Variants in IRAG1 observed in about 807,000 individuals in gnomAD.
IRAG1 encodes the protein inositol 1,4,5-triphosphate receptor associated 1, also known as IP3R-associated cGMP kinase substrate.
A neutral mutation model predicts 106.2 loss-of-function variants in IRAG1; 62 were observed. The ratio of observed to expected loss-of-function variants is 0.58; its 90% CI spans 0.48 to 0.72. The LOEUF is 0.72. Among genes scored for constraint, IRAG1 ranks in the 30% least tolerant of loss-of-function variants. IRAG1 has a pLI of 0.00. For missense variants in IRAG1, 1,064 were observed against 1,140.7 expected (o/e 0.93, Z 0.97); for synonymous variants, 462 against 443.9 (o/e 1.04, Z -0.51).
Position 10,609,779 on chromosome 11 carries a change from A to G in IRAG1, c.1520T>C (p.Ile507Thr), listed in dbSNP as rs763190919. 7 of 1,613,942 alleles carry G rather than the reference A, an allele frequency of 4.3e-6. No individual in the cohort carries two copies. The highest frequency in any genetic ancestry group is 5.9e-6 in the Non-Finnish European group (7 of 1,179,876). ...SKSGLDVMPN[I>T]SDVLLRKLRV... ...CAGTTTGCGCAGCAGCACATCAGAA[A>G]TATTAGGCATGACATCTAAGCCACT... Residue 507 changes from isoleucine (I) to threonine (T), a missense_variant, in exon 11 of 21, where the codon ATT becomes ACT. Physicochemically the swap from Ile to Thr is moderately conservative, Grantham distance 89. Transcript: ENST00000423302.
At chr11:10,633,438 G>A (rs977925862) in intron 3 of IRAG1, among the ~76,000 whole-genome samples, 1 of 152,110 alleles carries the variant, frequency 6.6e-6, no homozygotes, top group African/African-American at 2.4e-5. Context: ...CAGTTCGTGG[G>A]CTAGTGCTCT....
chr11:10,670,412 A>C (rs1334495195), intron 1 of IRAG1, among the ~76,000 whole-genome samples: 1 of 152,216 alleles, frequency 6.6e-6, no homozygotes, highest in East Asian at 1.9e-4. Context: ...ATGCAAAACC[A>C]TGCACAAGGA....
At chr11:10,631,911 A>C (rs1856720980) in intron 4 of IRAG1, 80 bp downstream of exon 4, 1 of 1,179,066 alleles carries the variant, frequency 8.5e-7, no homozygotes, top group African/African-American at 1.5e-5. Flanking sequence ...AAAGAGCAGG[A>C]GAGAGGAAGG....
At position 10,573,617 on chromosome 11, in the gene IRAG1, A is replaced by G. The variant is rs1850690208; in HGVS notation, c.*2715T>C. 1 of 152,114 alleles carries G rather than the reference A, an allele frequency of 6.6e-6. No individual in the cohort carries two copies. The highest frequency in any genetic ancestry group is 1.5e-5 in the Non-Finnish European group (1 of 68,054). 9.4% of individuals were successfully genotyped at this position (152,114 alleles called of 1,614,324 possible). A position where few individuals can be genotyped will look rare whatever the true frequency, so the allele number is the denominator to read the frequency against. On this transcript the variant is annotated 3_prime_UTR_variant, in exon 21 of 21. Transcript: ENST00000423302. Reference sequence around the variant, plus strand: ...CTCGACCTCCCTTGCTTACAAATGGAATAGGGTGGGAGAGGGCCTGTGCCT... The same window carrying G: ...CTCGACCTCCCTTGCTTACAAATGGGATAGGGTGGGAGAGGGCCTGTGCCT...
In IRAG1 at chr11:10,659,901, C is replaced by T. The variant is rs1859258224; in HGVS notation, c.68-7719G>A. Among the ~76,000 whole-genome samples, 1 of 152,094 alleles carries T rather than the reference C, an allele frequency of 6.6e-6. No homozygotes were observed. The highest frequency in any genetic ancestry group is 1.5e-5 in the Non-Finnish European group (1 of 68,038). On this transcript the variant is annotated intron_variant, in intron 1 of 20. Transcript: ENST00000423302. The surrounding 1 kb of genome is among the most constrained non-coding windows in gnomAD (Gnocchi z 4.1). ...GCTCAGCAGCCTCTTCCCTGAGTCACTCACTCAAGAGTGACATGAGTCATC... is the reference window on the plus strand; with the variant it reads ...GCTCAGCAGCCTCTTCCCTGAGTCATTCACTCAAGAGTGACATGAGTCATC...
chr11:10,603,041 A>G, intron 14 of IRAG1, 79 bp downstream of exon 14: 2 of 1,492,678 alleles, frequency 1.3e-6, no homozygotes, highest in Middle Eastern at 1.9e-4. Flanking sequence ...TGGTATCTGT[A>G]GTTGCCGCTG....
Position 10,580,549 on chromosome 11 carries a change from G to A in IRAG1, c.2401C>T (p.Leu801=). ...TTCTGTTCTTCCTCCTCCTCCTTCA[G>A]GTCTTGAAGTTCTTTGGTCTTCTTT... ...GLKKTKELQD[L]KEEEEEQKSE... The change falls in exon 20 of 21, where the codon CTG becomes TTG. Residue 801 remains leucine, a synonymous_variant. Coordinates refer to ENST00000423302, the MANE Select transcript of IRAG1 (RefSeq NM_130385.4). 1 of 1,613,830 alleles carries A rather than the reference G, an allele frequency of 6.2e-7. No individual in the cohort carries two copies. Among genetic ancestry groups the A allele is most frequent in the Non-Finnish European group, 8.5e-7 (1 of 1,179,852 alleles).
rs1856452902 is a variant in IRAG1, at chr11:10,628,618, T to C, written c.652+133A>G. 1 of 739,996 alleles carries C rather than the reference T, an allele frequency of 1.4e-6. No homozygotes were observed. Among genetic ancestry groups the C allele is most frequent in the Non-Finnish European group, 2.1e-6 (1 of 475,698 alleles). 45.8% of individuals were successfully genotyped at this position (739,996 alleles called of 1,614,324 possible). A position where few individuals can be genotyped will look rare whatever the true frequency, so the allele number is the denominator to read the frequency against. On this transcript the variant is annotated intron_variant, in intron 6 of 20. Transcript: ENST00000423302. This position sits in a 1 kb window ranked among gnomAD's most constrained non-coding sequence, Gnocchi z 4.1. ...TGCCCCCCCTGGAGAGGGGTCTTGC[T>C]CTGGGTGTGAAGGGGCCATCAGAGT...
intron 1 of IRAG1, among the ~76,000 whole-genome samples, chr11:10,692,668 G>A (rs549401901): frequency 2.8e-4 from 42 of 152,350 alleles, no homozygotes; most frequent in Admixed American, 1.6e-3. Context: ...GCAGCCTGAA[G>A]AGTGTTCAGC....
At chr11:10,633,128 G>T (rs578175421) in intron 3 of IRAG1, among the ~76,000 whole-genome samples, 5 of 143,052 alleles carry the variant, frequency 3.5e-5, no homozygotes, top group East Asian at 4.1e-4. Context: ...AGGCTGGAGT[G>T]CAGTGGCGCG....
At chr11:10,660,214 C>G (rs1210152770) in intron 1 of IRAG1, among the ~76,000 whole-genome samples, 1 of 152,178 alleles carries the variant, frequency 6.6e-6, no homozygotes, top group East Asian at 1.9e-4. Context: ...ATTCTGTGAA[C>G]TGGTGGTTAA....
chr11:10,598,099 A>G (rs1192410379), intron 15 of IRAG1, among the ~76,000 whole-genome samples: 3 of 152,260 alleles, frequency 2.0e-5, no homozygotes, highest in South Asian at 2.1e-4. Flanking sequence ...CCATCTGAGG[A>G]TATAGTCCTT....
At chr11:10,667,456 G>A (rs555870253) in intron 1 of IRAG1, among the ~76,000 whole-genome samples, 11 of 152,224 alleles carry the variant, frequency 7.2e-5, no homozygotes, top group Non-Finnish European at 1.3e-4. Context: ...CCCCAGGACA[G>A]GAGGGAGGGA....
rs1018277586 is a variant in IRAG1, at chr11:10,647,296, A to G, written c.225+4729T>C. On this transcript the variant is annotated intron_variant, in intron 2 of 20. Coordinates refer to ENST00000423302, the MANE Select transcript of IRAG1 (RefSeq NM_130385.4). The surrounding 1 kb of genome is among the most constrained non-coding windows in gnomAD (Gnocchi z 4.3). The stretch of plus-strand genomic sequence containing the variant: ...GAGCTGTATGACCTTGGAGGAAGGT[A>G]GTTAATTTCTTTGTGCCTCAGTTTC... 6.6e-6 allele frequency among the ~76,000 whole-genome samples: 1 copy of G among 152,346 alleles called. No homozygotes were observed. Among genetic ancestry groups the G allele is most frequent in the African/African-American group, 2.4e-5 (1 of 41,592 alleles).
chr11:10,647,617 C>G lies in IRAG1; in HGVS notation c.225+4408G>C, dbSNP rs1277021321. 6.6e-6 allele frequency among the ~76,000 whole-genome samples: 1 copy of G among 152,148 alleles called. No individual in the cohort carries two copies. The highest frequency in any genetic ancestry group is 2.4e-5 in the African/African-American group (1 of 41,420). On this transcript the variant is annotated intron_variant, in intron 2 of 20. Transcript: ENST00000423302. The surrounding 1 kb of genome is among the most constrained non-coding windows in gnomAD (Gnocchi z 4.3). Reference sequence around the variant, plus strand: ...AGAGCCGGTGAAAATTGGGCTCTTACAGCTAACATGAGCCTCTTTGTACCC... The same window carrying G: ...AGAGCCGGTGAAAATTGGGCTCTTAGAGCTAACATGAGCCTCTTTGTACCC...
At chr11:10,623,943 A>G (rs1411963452) in intron 9 of IRAG1, 87 bp from the exon 10 acceptor site, 1 of 1,292,364 alleles carries the variant, frequency 7.7e-7, no homozygotes, top group Non-Finnish European at 1.1e-6. Flanking sequence ...TTCTGCGACC[A>G]CTATCTTAGG....
intron 15 of IRAG1, among the ~76,000 whole-genome samples, chr11:10,599,012 A>G (rs1235601607): frequency 6.6e-6 from 1 of 152,180 alleles, no homozygotes. Context: ...GGTTACGGCC[A>G]CTCTGCCTAG....
At chr11:10,589,306 A>G (rs1016943076) in intron 18 of IRAG1, among the ~76,000 whole-genome samples, 2 of 152,240 alleles carry the variant, frequency 1.3e-5, no homozygotes, top group Non-Finnish European at 2.9e-5. Flanking sequence ...CACGATATGG[A>G]TAGGGCAGTT....
intron 1 of IRAG1, among the ~76,000 whole-genome samples, chr11:10,661,871 G>C (rs996843716): frequency 6.6e-5 from 10 of 152,144 alleles, no homozygotes; most frequent in Admixed American, 5.2e-4. Flanking sequence ...TCTTGGGGAG[G>C]GGGGAGTATT....
Sources: allele counts gnomAD v4.1 joint callset (sites outside exome capture counted in the v4.1 genomes callset), GRCh38; gene constraint gnomAD v4.1.1; non-coding constraint Gnocchi (gnomAD v3.1); transcripts MANE v1.5; gene names NCBI Gene and HGNC (gene_info 2026-07-23, HGNC 2026-07-21).